SETD2: variants seen among roughly 807,000 people sequenced by gnomAD.
The protein encoded by SETD2 is SET domain containing 2, histone lysine methyltransferase, also known as histone-lysine N-methyltransferase SETD2.
A neutral mutation model predicts 242.1 loss-of-function variants in SETD2; 31 were observed. That is an observed-to-expected ratio of 0.13 (90% CI 0.10 to 0.17). The LOEUF (loss-of-function observed/expected upper bound fraction) is 0.17, where lower values mean the gene tolerates loss of function less well. SETD2 is among the 10% of genes least tolerant of loss of function. The pLI is 1.00. For missense variants in SETD2, 2,481 were observed against 3,046.3 expected, an observed-to-expected ratio of 0.81 and a Z score of 4.37; for synonymous variants, 1,006 against 1,066.5, an observed-to-expected ratio of 0.94 and a Z score of 1.11.
At chr3:47,067,224 C>CT in intron 12 of SETD2, 106 bp from the exon 13 acceptor site, 7 of 844,534 alleles carry the variant, frequency 8.3e-6, no homozygotes, top group Non-Finnish European at 1.4e-5. Context: ...AAGTAACAAG[C>CT]TGGTACTTAT....
chr3:47,083,964 T>C lies in SETD2; in HGVS notation c.5816A>G (p.Asp1939Gly), dbSNP rs2041430095. The change falls in exon 12 of 21, where the codon GAT (aspartate) becomes GGT (glycine). Residue 1939 changes from aspartate (D) to glycine (G), a missense_variant. Coordinates refer to ENST00000409792, the MANE Select transcript of SETD2 (RefSeq NM_014159.7). The stretch of plus-strand genomic sequence containing the variant: ...ACTAGCTTCTATGTTGGTTTCACTA[T>C]CAACTTTGCATTCAGGCAGCTGTTG... ...LPQQLPECKV[D>G]SETNIEASKL... The C allele has an allele frequency of 2.5e-6, 4 of 1,614,178 alleles. No homozygotes were observed. The highest frequency in any genetic ancestry group is 3.4e-6 in the Non-Finnish European group (4 of 1,180,032).
At chr3:47,044,441 A>G (rs2039430294) in intron 16 of SETD2, among the ~76,000 whole-genome samples, 1 of 147,276 alleles carries the variant, frequency 6.8e-6, no homozygotes. Context: ...CTAAGTACAC[A>G]TTATCTTATT....
intron 1 of SETD2, chr3:47,145,430 G>A: frequency 6.2e-6 from 2 of 322,104 alleles, no homozygotes; most frequent in Non-Finnish European, 1.3e-5. Flanking sequence ...TTGCTTTGTT[G>A]CCCAGGCTGG....
intron 16 of SETD2, among the ~76,000 whole-genome samples, chr3:47,044,341 T>C (rs2039420543): frequency 4.0e-5 from 1 of 24,936 alleles, no homozygotes; most frequent in Non-Finnish European, 6.7e-5. Context: ...CAAGACTTCA[T>C]CTCAAAAAAA....
intron 15 of SETD2, among the ~76,000 whole-genome samples, chr3:47,048,694 C>G (rs911194703): frequency 6.6e-6 from 1 of 152,058 alleles, no homozygotes; most frequent in African/African-American, 2.4e-5. Context: ...AAACAACCCT[C>G]CTCCCTCCTC....
rs2106640268 is a variant in SETD2 at position 47,121,119 on chromosome 3, G to A, written c.3517C>T (p.His1173Tyr). The A allele has an allele frequency of 6.2e-7, 1 of 1,614,106 alleles. No homozygotes were observed. The highest frequency in any genetic ancestry group is 8.5e-7 in the Non-Finnish European group (1 of 1,179,996). Reference protein sequence around the residue: ...PQSDGVDSTSHTDVKSDPLGH... With the variant: ...PQSDGVDSTSYTDVKSDPLGH... ...AGAGGGTCAGATTTCACATCTGTAT[G>A]ACTTGTACTATCAACCCCATCACTC... The change falls in exon 3 of 21, where the codon CAT becomes TAT. Residue 1173 changes from histidine to tyrosine, a missense_variant. His to Tyr is a moderately conservative substitution (Grantham distance 83). Around this residue, in one of 17 missense-constraint regions of SETD2, gnomAD observed 1,300 missense variants for 1,259.2 expected, o/e 1.03. Transcript: ENST00000409792.
chr3:47,059,045 G>A (rs1013047993), intron 14 of SETD2, among the ~76,000 whole-genome samples: 2 of 150,636 alleles, frequency 1.3e-5, no homozygotes, highest in African/African-American at 2.4e-5. Context: ...TCCTGACCTC[G>A]TGATCCGCCT....
intron 1 of SETD2, among the ~76,000 whole-genome samples, chr3:47,148,866 A>C (rs890289667): frequency 6.6e-6 from 1 of 152,172 alleles, no homozygotes; most frequent in Non-Finnish European, 1.5e-5. Context: ...TGGTGAATGA[A>C]GGCTTGAGTT....
intron 1 of SETD2, among the ~76,000 whole-genome samples, chr3:47,152,596 T>G (rs1251128618): frequency 6.6e-6 from 1 of 152,224 alleles, no homozygotes; most frequent in Non-Finnish European, 1.5e-5. Context: ...CTATTCATCA[T>G]GAGGCCAAAT....
At chr3:47,145,043 T>C (rs534729260) in intron 1 of SETD2, among the ~76,000 whole-genome samples, 52 of 152,182 alleles carry the variant, frequency 3.4e-4, no homozygotes, top group Non-Finnish European at 6.0e-4. Flanking sequence ...CAATATTATA[T>C]CCAAAAGTTA....
At chr3:47,093,143 CTATCTT>C (rs1437373243) in intron 9 of SETD2, among the ~76,000 whole-genome samples, 1 of 151,988 alleles carries the variant, frequency 6.6e-6, no homozygotes, top group Non-Finnish European at 1.5e-5. Context: ...AAAATTTTGT[CTATCTT>C]TATGGAAATG....
chr3:47,064,177 G>GGGTT (rs1453441282), intron 13 of SETD2, among the ~76,000 whole-genome samples: 1 of 152,014 alleles, frequency 6.6e-6, no homozygotes, highest in Non-Finnish European at 1.5e-5. Context: ...AATGTTCTAT[G>GGGTT]GGTTGTTTTA....
chr3:47,078,664 G>A (rs12108114), intron 12 of SETD2, among the ~76,000 whole-genome samples: 1 of 151,320 alleles, frequency 6.6e-6, no homozygotes, highest in African/African-American at 2.4e-5. Context: ...TTACACAGAA[G>A]AATATCCTTG....
In SETD2 at chr3:47,132,857, T is replaced by C. The variant is rs2043510323; in HGVS notation, c.72-6194A>G. ...AGAATAGATCACAGTTCAAGATTTC[T>C]GACAGAAAACAAAAATTAGCCTATT... On this transcript the variant is annotated intron_variant, in intron 1 of 20. Coordinates refer to ENST00000409792, the MANE Select transcript of SETD2 (RefSeq NM_014159.7). Among the ~76,000 whole-genome samples, 3 of 152,188 alleles carry C rather than the reference T, an allele frequency of 2.0e-5. No homozygotes were observed. The South Asian group carries it at 6.2e-4, about 31-fold the overall frequency.
intron 17 of SETD2, among the ~76,000 whole-genome samples, chr3:47,040,039 C>T (rs1039549887): frequency 2.0e-5 from 3 of 151,690 alleles, no homozygotes; most frequent in Admixed American, 6.6e-5. Context: ...TGCAGTAGCG[C>T]GATCTCAGCT....
intron 15 of SETD2, among the ~76,000 whole-genome samples, chr3:47,053,077 T>C (rs1040492328): frequency 4.0e-5 from 6 of 151,760 alleles, no homozygotes; most frequent in Non-Finnish European, 8.8e-5. Context: ...TTTGTAGAGA[T>C]GGGTTTCACC....
At chr3:47,127,099 G>A (rs780715114) in intron 1 of SETD2, among the ~76,000 whole-genome samples, 5 of 152,204 alleles carry the variant, frequency 3.3e-5, no homozygotes, top group Admixed American at 1.3e-4. Context: ...GTTCACACCT[G>A]TAATCCCAGC....
At chr3:47,147,345 CAT>C (rs1474484066) in intron 1 of SETD2, among the ~76,000 whole-genome samples, 60 of 121,894 alleles carry the variant, frequency 4.9e-4, no homozygotes, top group African/African-American at 1.8e-3. Flanking sequence ...TTTTTTGAGA[CAT>C]AGTCTCACCC....
At chr3:47,146,166 T>C (rs979212755) in intron 1 of SETD2, among the ~76,000 whole-genome samples, 9 of 151,858 alleles carry the variant, frequency 5.9e-5, no homozygotes. Flanking sequence ...CCACCCACAG[T>C]ACAATATATT....
Sources: allele counts gnomAD v4.1 joint callset (sites outside exome capture counted in the v4.1 genomes callset), GRCh38; gene constraint gnomAD v4.1.1; regional missense constraint gnomAD v4.1.1; transcripts MANE v1.5; gene names NCBI Gene and HGNC (gene_info 2026-07-23, HGNC 2026-07-21).